The following SCRG1 variants were observed in gnomAD, a reference collection of about 807,000 sequenced individuals.
SCRG1 encodes scrapie-responsive protein 1.
In SCRG1, 3 loss-of-function variants were observed where a neutral mutation model predicts 7.7. The ratio of observed to expected loss-of-function variants is 0.39; its 90% CI spans 0.18 to 1.01. SCRG1 has a LOEUF of 1.01. Among genes scored for constraint, SCRG1 ranks in the 50% least tolerant of loss-of-function variants. The pLI is 0.36. For synonymous variants in SCRG1, 46 were observed against 41.2 expected (o/e 1.12, Z -0.44); for missense variants, 110 against 117.2 (o/e 0.94, Z 0.28).
At chr4:173,482,109 C>A in the SCRG1 span, among the ~76,000 whole-genome samples, 1 of 152,128 alleles carries the variant, frequency 6.6e-6, no homozygotes, top group East Asian at 1.9e-4. Flanking sequence ...TGCTGGAATT[C>A]ATTTCCTGTA....
intron 1 of SCRG1, among the ~76,000 whole-genome samples, chr4:173,397,612 T>A (rs1017487346): frequency 6.6e-6 from 1 of 152,232 alleles, no homozygotes; most frequent in Non-Finnish European, 1.5e-5. Flanking sequence ...ATTGCTACCA[T>A]CCTTTGGTAG....
upstream of SCRG1, among the ~76,000 whole-genome samples, chr4:173,401,697 C>T (rs138002913): frequency 1.3e-5 from 2 of 152,294 alleles, no homozygotes; most frequent in African/African-American, 2.4e-5. Context: ...TGGTAATGAT[C>T]TAATCATCTC....
the SCRG1 span, among the ~76,000 whole-genome samples, chr4:173,484,228 T>G: frequency 1.2e-5 from 1 of 84,522 alleles, no homozygotes; most frequent in Non-Finnish European, 2.0e-5. Flanking sequence ...TTATATATAA[T>G]ATATATTTAT....
chr4:173,486,233 G>A, the SCRG1 span, among the ~76,000 whole-genome samples: 1 of 152,094 alleles, frequency 6.6e-6, no homozygotes, highest in Non-Finnish European at 1.5e-5. Flanking sequence ...AATTTCATCT[G>A]AAACTTCTAT....
At chr4:173,391,940 G>C (rs1405861565) in intron 1 of SCRG1, among the ~76,000 whole-genome samples, 1 of 152,144 alleles carries the variant, frequency 6.6e-6, no homozygotes, top group Non-Finnish European at 1.5e-5. Flanking sequence ...ACAGGCTGTA[G>C]GCAGGGAGGA....
the SCRG1 span, among the ~76,000 whole-genome samples, chr4:173,472,771 T>G: frequency 1.3e-5 from 2 of 152,180 alleles, no homozygotes; most frequent in Non-Finnish European, 2.9e-5. Context: ...TTGCTGAGAA[T>G]GTTAATCTCA....
chr4:173,457,854 C>G, the SCRG1 span, among the ~76,000 whole-genome samples: 1 of 152,150 alleles, frequency 6.6e-6, no homozygotes, highest in African/African-American at 2.4e-5. Context: ...TTTCCCCAGT[C>G]CCTGCACCCC....
chr4:173,419,517 G>T, the SCRG1 span: 2 of 739,122 alleles, frequency 2.7e-6, no homozygotes, highest in Non-Finnish European at 4.8e-6. Context: ...AAGTAGCGCA[G>T]GTCATCTGCA....
chr4:173,479,445 T>TG, the SCRG1 span, among the ~76,000 whole-genome samples: 2 of 147,144 alleles, frequency 1.4e-5, no homozygotes, highest in Non-Finnish European at 3.0e-5. Context: ...GTTTTTTTGT[T>TG]TTTTTTTTTT....
the SCRG1 span, among the ~76,000 whole-genome samples, chr4:173,455,842 C>T: frequency 6.6e-6 from 1 of 152,104 alleles, no homozygotes; most frequent in Non-Finnish European, 1.5e-5. Flanking sequence ...ACCCAAGCCA[C>T]GTCACCTTGG....
the SCRG1 span, among the ~76,000 whole-genome samples, chr4:173,492,537 C>G: frequency 9.9e-5 from 15 of 152,214 alleles, no homozygotes; most frequent in African/African-American, 2.7e-4. Context: ...CGGTTCAATA[C>G]AGGAAACAGA....
At chr4:173,453,965 C>G in the SCRG1 span, among the ~76,000 whole-genome samples, 1 of 151,944 alleles carries the variant, frequency 6.6e-6, no homozygotes, top group African/African-American at 2.4e-5. Context: ...GTAGTCCCAG[C>G]TACTCGGGAG....
At chr4:173,458,531 T>C in the SCRG1 span, among the ~76,000 whole-genome samples, 174 of 152,248 alleles carry the variant, frequency 1.1e-3, no homozygotes, top group African/African-American at 4.0e-3. Flanking sequence ...GAGTTCTACA[T>C]CTGGAAGTGA....
At chr4:173,479,003 T>C in the SCRG1 span, among the ~76,000 whole-genome samples, 1 of 152,218 alleles carries the variant, frequency 6.6e-6, no homozygotes, top group Non-Finnish European at 1.5e-5. Context: ...AATTACTCTA[T>C]ACTAAGAGTC....
chr4:173,438,192 T>G, the SCRG1 span, among the ~76,000 whole-genome samples: 1 of 152,152 alleles, frequency 6.6e-6, no homozygotes, highest in African/African-American at 2.4e-5. Flanking sequence ...CTGGGCTCAC[T>G]GCAGTATTGA....
At chr4:173,407,207 C>CAAA (rs113112174), upstream of SCRG1, among the ~76,000 whole-genome samples, 14 of 83,102 alleles carry the variant, frequency 1.7e-4, no homozygotes, top group East Asian at 4.2e-3. Context: ...AGATCCATCT[C>CAAA]AAAAAAAAAA....
chr4:173,390,542 G>A (rs1441108083), intron 2 of SCRG1, among the ~76,000 whole-genome samples: 3 of 148,148 alleles, frequency 2.0e-5, no homozygotes, highest in Non-Finnish European at 4.4e-5. Context: ...GTGCGATCTC[G>A]GCTCACTGCA....
the SCRG1 span, among the ~76,000 whole-genome samples, chr4:173,471,989 G>A: frequency 0.33 from 49,963 of 152,070 alleles, 8,600 homozygotes; most frequent in South Asian, 0.47. Context: ...GATTACAGGC[G>A]TGAGCCACCG....
the SCRG1 span, among the ~76,000 whole-genome samples, chr4:173,477,173 T>C: frequency 0.59 from 89,115 of 151,926 alleles, 28,872 homozygotes; most frequent in Non-Finnish European, 0.73. Flanking sequence ...GAATGAAAAT[T>C]GTAGTTCAAT....
Sources: gnomAD v4.1 joint callset for allele counts (sites outside exome capture counted in the v4.1 genomes callset) on GRCh38, gnomAD v4.1.1 for gene constraint, MANE v1.5 for transcripts, NCBI Gene and HGNC (gene_info 2026-07-23, HGNC 2026-07-21) for gene names.